Variants in TENM3 observed in about 807,000 individuals in gnomAD.
TENM3 encodes the protein teneurin transmembrane protein 3.
A neutral mutation model predicts 255.1 loss-of-function variants in TENM3; 63 were observed. That is an observed-to-expected ratio of 0.25 (90% confidence interval 0.20 to 0.30). The LOEUF is 0.30. Among genes scored for constraint, TENM3 ranks in the 10% least tolerant of loss-of-function variants. TENM3 has a pLI of 1.00. For missense variants in TENM3, 2,929 were observed against 3,461.1 expected (o/e 0.85, Z 3.86); for synonymous variants, 1,306 against 1,322.3 (o/e 0.99, Z 0.27).
the TENM3 span, among the ~76,000 whole-genome samples, chr4:182,006,388 C>T: frequency 5.3e-5 from 8 of 152,102 alleles, no homozygotes; most frequent in Non-Finnish European, 1.0e-4. Context: ...TGATTAATTA[C>T]GGCCTCAGTT....
At chr4:182,100,840 C>T in the TENM3 span, among the ~76,000 whole-genome samples, 4,816 of 6,798 alleles carry the variant, frequency 0.71, 1,658 homozygotes, top group East Asian at 0.78. Flanking sequence ...TATATATATA[C>T]TCATATATAT....
chr4:181,805,096 G>A, the TENM3 span, among the ~76,000 whole-genome samples: 8 of 152,094 alleles, frequency 5.3e-5, no homozygotes, highest in Non-Finnish European at 1.2e-4. Flanking sequence ...GTTCTGCTGT[G>A]CTCACACTTG....
chr4:181,604,182 G>A, the TENM3 span, among the ~76,000 whole-genome samples: 2 of 152,086 alleles, frequency 1.3e-5, no homozygotes, highest in African/African-American at 2.4e-5. Flanking sequence ...GGAGAATGGC[G>A]TGAACCCGGG....
chr4:181,711,019 A>G, the TENM3 span, among the ~76,000 whole-genome samples: 1 of 152,180 alleles, frequency 6.6e-6, no homozygotes, highest in South Asian at 2.1e-4. Flanking sequence ...AAGTAAATAT[A>G]GTTAATCCTC....
the TENM3 span, among the ~76,000 whole-genome samples, chr4:182,014,182 G>C: frequency 6.8e-6 from 1 of 148,002 alleles, no homozygotes; most frequent in Non-Finnish European, 1.5e-5. Flanking sequence ...ATATATATAT[G>C]TGTGTGTATA....
At chr4:182,631,577 A>T (rs1399996408) in intron 5 of TENM3, 1 of 152,230 alleles carries the variant, frequency 6.6e-6, no homozygotes, top group Non-Finnish European at 1.5e-5. Context: ...TTAAGTGTGC[A>T]TGTAAAGCAG....
intron 3 of TENM3, among the ~76,000 whole-genome samples, chr4:182,504,181 C>CT (rs534132617): frequency 2.1e-3 from 310 of 146,606 alleles, no homozygotes; most frequent in Middle Eastern, 7.2e-3. Context: ...TCCCATGGAA[C>CT]TTTTTTTTTT....
At chr4:182,520,002 G>A (rs1324595949) in intron 3 of TENM3, among the ~76,000 whole-genome samples, 1 of 152,010 alleles carries the variant, frequency 6.6e-6, no homozygotes, top group Non-Finnish European at 1.5e-5. Flanking sequence ...GGTATAGGTG[G>A]GCAGGGGATG....
At chr4:181,926,776 G>A in the TENM3 span, among the ~76,000 whole-genome samples, 1 of 151,996 alleles carries the variant, frequency 6.6e-6, no homozygotes, top group Non-Finnish European at 1.5e-5. Flanking sequence ...GATCAATACA[G>A]AAGGCAGTGA....
intron 6 of TENM3, among the ~76,000 whole-genome samples, chr4:182,655,233 G>T (rs1581226678): frequency 6.6e-6 from 1 of 152,074 alleles, no homozygotes; most frequent in African/African-American, 2.4e-5. Context: ...CTCTTAAAAT[G>T]CATGGTTCCT....
At chr4:182,137,517 G>C in the TENM3 span, among the ~76,000 whole-genome samples, 15 of 152,282 alleles carry the variant, frequency 9.9e-5, no homozygotes, top group African/African-American at 3.6e-4. Context: ...TGAGAGTAAA[G>C]CTGTCTTCTG....
chr4:181,912,776 A>T, the TENM3 span, among the ~76,000 whole-genome samples: 1 of 152,042 alleles, frequency 6.6e-6, no homozygotes, highest in East Asian at 1.9e-4. Context: ...TCTCAAAAAA[A>T]AAAAAAAAAA....
At chr4:181,879,260 C>G in the TENM3 span, among the ~76,000 whole-genome samples, 2 of 151,438 alleles carry the variant, frequency 1.3e-5, no homozygotes, top group East Asian at 3.9e-4. Context: ...GAAATCATTA[C>G]AGGCAAAAAG....
the TENM3 span, among the ~76,000 whole-genome samples, chr4:181,998,932 G>A: frequency 0.032 from 4,942 of 152,120 alleles, 247 homozygotes; most frequent in African/African-American, 0.11. Context: ...TCTGAACTCC[G>A]GTTTTTTCAG....
chr4:181,499,322 T>C, the TENM3 span, among the ~76,000 whole-genome samples: 1 of 152,232 alleles, frequency 6.6e-6, no homozygotes. Flanking sequence ...TATAATATAA[T>C]AATTTGGAAT....
chr4:181,604,219 C>A, the TENM3 span, among the ~76,000 whole-genome samples: 28 of 152,040 alleles, frequency 1.8e-4, no homozygotes, highest in Admixed American at 4.6e-4. Flanking sequence ...GAGCCGAGAT[C>A]GCGCCACAGC....
chr4:182,299,939 G>A (rs545480353), intron 1 of TENM3, among the ~76,000 whole-genome samples: 48 of 149,296 alleles, frequency 3.2e-4, no homozygotes, highest in African/African-American at 1.1e-3. Context: ...CTTTTGAGAT[G>A]GAGTCCCACT....
intron 1 of TENM3, among the ~76,000 whole-genome samples, chr4:182,213,222 T>G (rs1755174489): frequency 6.6e-6 from 1 of 152,348 alleles, no homozygotes; most frequent in East Asian, 1.9e-4. Flanking sequence ...AGAATGCATT[T>G]AGTCTTGTAG....
intron 5 of TENM3, among the ~76,000 whole-genome samples, chr4:182,647,509 G>A (rs1261570940): frequency 6.6e-6 from 1 of 152,160 alleles, no homozygotes; most frequent in Non-Finnish European, 1.5e-5. Context: ...TTCATTTAAC[G>A]TGAAGTCCTC....
Sources: allele counts gnomAD v4.1 joint callset (sites outside exome capture counted in the v4.1 genomes callset), GRCh38; gene constraint gnomAD v4.1.1; transcripts MANE v1.5; gene names NCBI Gene and HGNC (gene_info 2026-07-23, HGNC 2026-07-21).